The following CRACD variants were observed in gnomAD, a reference collection of about 807,000 sequenced individuals.
The protein encoded by CRACD is capping protein-inhibiting regulator of actin dynamics.
Under a neutral mutation model 106.8 loss-of-function variants are expected in CRACD, and 56 were observed. The ratio of observed to expected loss-of-function variants is 0.52; its 90% CI spans 0.42 to 0.66. CRACD has a LOEUF of 0.66. CRACD is among the 30% of genes least tolerant of loss of function. CRACD has a pLI of 0.00. For synonymous variants in CRACD, 754 were observed against 670.8 expected, an observed-to-expected ratio of 1.12 and a Z score of -1.92; for missense variants, 1,730 against 1,623.2, an observed-to-expected ratio of 1.07 and a Z score of -1.13.
rs538224061 is a variant in CRACD, at chr4:56,212,815, A to G, written c.-189+33385A>G. 2.6e-5 allele frequency among the ~76,000 whole-genome samples: 4 copies of G among 152,290 alleles called. No homozygotes were observed. In the South Asian group the frequency reaches 8.3e-4, roughly 32 times the overall value. ...TTTACTACCAGTTTCTGTCTGACCC[A>G]GTTAGATATCTAAGGCCTATAAATG... On this transcript the variant is annotated intron_variant, in intron 2 of 10. Coordinates refer to ENST00000682029, the MANE Select transcript of CRACD (RefSeq NM_001393381.1).
chr4:56,318,954 T>A (rs1745865278), intron 8 of CRACD, among the ~76,000 whole-genome samples: 1 of 151,900 alleles, frequency 6.6e-6, no homozygotes. Flanking sequence ...TTTGGCCAAC[T>A]TCTTCTTGGA....
intron 1 of CRACD, among the ~76,000 whole-genome samples, chr4:56,057,625 G>GCT (rs1235589492): frequency 4.8e-5 from 6 of 125,062 alleles, no homozygotes; most frequent in African/African-American, 1.9e-4. Context: ...GATAGGTTGG[G>GCT]TTTTTTTTTT....
intron 2 of CRACD, among the ~76,000 whole-genome samples, chr4:56,257,943 G>A (rs570981086): frequency 1.2e-4 from 18 of 152,028 alleles, no homozygotes; most frequent in African/African-American, 4.3e-4. Flanking sequence ...GGTGGCGCGT[G>A]CCTGTAGTCC....
intron 4 of CRACD, among the ~76,000 whole-genome samples, chr4:56,304,685 G>A (rs916360033): frequency 6.6e-6 from 1 of 152,140 alleles, no homozygotes; most frequent in Non-Finnish European, 1.5e-5. Context: ...AGGAGGCTGA[G>A]GTGGGAGAAT....
intron 7 of CRACD, 36 bp downstream of exon 7, chr4:56,313,415 C>A (rs763580859): frequency 6.3e-7 from 1 of 1,577,976 alleles, no homozygotes; most frequent in Non-Finnish European, 8.6e-7. Flanking sequence ...CAGGCAGGTG[C>A]CCTTGCCTAC....
chr4:56,121,382 T>G (rs1392408232), intron 1 of CRACD, among the ~76,000 whole-genome samples: 1 of 152,228 alleles, frequency 6.6e-6, no homozygotes, highest in East Asian at 1.9e-4. Flanking sequence ...TATTTCTTCC[T>G]ATCACAATAC....
At chr4:56,136,780 T>G (rs1374853316) in intron 1 of CRACD, among the ~76,000 whole-genome samples, 6 of 152,186 alleles carry the variant, frequency 3.9e-5, no homozygotes, top group Non-Finnish European at 8.8e-5. Flanking sequence ...TATTGATTGT[T>G]TCTTTAAGTT....
At chr4:56,176,789 T>C (rs1372508332) in intron 1 of CRACD, among the ~76,000 whole-genome samples, 1 of 152,196 alleles carries the variant, frequency 6.6e-6, no homozygotes, top group African/African-American at 2.4e-5. Flanking sequence ...TTTAATTCTT[T>C]GGTTAAATTT....
chr4:56,057,188 C>T (rs565039309), intron 1 of CRACD, among the ~76,000 whole-genome samples: 29 of 152,320 alleles, frequency 1.9e-4, no homozygotes, highest in African/African-American at 6.7e-4. Flanking sequence ...CCTCATTTTA[C>T]TGATGAGAAG....
chr4:56,125,408 T>G (rs1340520903), intron 1 of CRACD, among the ~76,000 whole-genome samples: 3 of 152,164 alleles, frequency 2.0e-5, no homozygotes, highest in Non-Finnish European at 2.9e-5. Flanking sequence ...ATTTTTTTAT[T>G]AAAAACAATT....
intron 1 of CRACD, among the ~76,000 whole-genome samples, chr4:56,164,228 A>G (rs1266224023): frequency 6.7e-6 from 1 of 148,946 alleles, no homozygotes; most frequent in Non-Finnish European, 1.5e-5. Context: ...TCCACCTCCC[A>G]GGTTCACGCC....
intron 4 of CRACD, among the ~76,000 whole-genome samples, chr4:56,299,100 C>T (rs1397837626): frequency 2.6e-5 from 4 of 152,162 alleles, no homozygotes; most frequent in Non-Finnish European, 5.9e-5. Flanking sequence ...AATGATACGA[C>T]TCTATTTTTC....
In CRACD at chr4:56,191,694, G is replaced by A. The variant is rs941569355; in HGVS notation, c.-189+12264G>A. On this transcript the variant is annotated intron_variant, in intron 2 of 10. Transcript: ENST00000682029. ...CGGCAGCACTGCCTGCAGTCAGGGC[G>A]TTTGCCTCCATTCTGAGACCTGTGT... 1.5e-4 allele frequency among the ~76,000 whole-genome samples: 23 copies of A among 152,314 alleles called. 1 individual carries two copies. Among genetic ancestry groups the A allele is most frequent in the Non-Finnish European group, 1.8e-4 (12 of 68,028 alleles).
Position 56,330,502 on chromosome 4 carries a change from C to T in CRACD, c.*2698C>T, listed in dbSNP as rs181243500. Among the ~76,000 whole-genome samples the T allele has an allele frequency of 6.6e-6, 1 of 151,908 alleles. No individual in the cohort carries two copies. The highest frequency in any genetic ancestry group is 1.5e-5 in the Non-Finnish European group (1 of 67,974). ...GTAAAGTAGAGACTTAATGAAAATA[C>T]CTTAGTGTGATTTTAATATAATTTG... On this transcript the variant is annotated 3_prime_UTR_variant, in exon 11 of 11. Transcript: ENST00000682029.
chr4:56,180,164 G>A (rs1736752759), intron 2 of CRACD, among the ~76,000 whole-genome samples: 1 of 152,058 alleles, frequency 6.6e-6, no homozygotes, highest in Non-Finnish European at 1.5e-5. Context: ...TGCTGGGAGT[G>A]GGAGGCATTC....
At chr4:56,187,517 G>A (rs1419711249) in intron 2 of CRACD, among the ~76,000 whole-genome samples, 2 of 152,032 alleles carry the variant, frequency 1.3e-5, no homozygotes, top group East Asian at 3.9e-4. Flanking sequence ...CCTATAGACT[G>A]TACAGGCTTC....
intron 2 of CRACD, among the ~76,000 whole-genome samples, chr4:56,209,689 T>C (rs909384138): frequency 6.6e-6 from 1 of 152,204 alleles, no homozygotes; most frequent in Non-Finnish European, 1.5e-5. Context: ...CTATATAAAC[T>C]TAAACTTAGG....
intron 3 of CRACD, among the ~76,000 whole-genome samples, chr4:56,292,617 C>A (rs566795322): frequency 6.6e-6 from 1 of 152,012 alleles, no homozygotes; most frequent in Non-Finnish European, 1.5e-5. Flanking sequence ...CTCCACCTCC[C>A]GGGTTCACAC....
intron 1 of CRACD, among the ~76,000 whole-genome samples, chr4:56,111,690 T>G (rs1479623093): frequency 6.6e-6 from 1 of 152,166 alleles, no homozygotes; most frequent in African/African-American, 2.4e-5. Context: ...AATTTTTTTT[T>G]TGTATTTTTA....
Sources: allele counts gnomAD v4.1 joint callset (sites outside exome capture counted in the v4.1 genomes callset), GRCh38; gene constraint gnomAD v4.1.1; transcripts MANE v1.5; gene names NCBI Gene and HGNC (gene_info 2026-07-23, HGNC 2026-07-21).